The following KCNQ3 variants were observed in gnomAD, a reference collection of about 807,000 sequenced individuals.
The protein encoded by KCNQ3 is potassium voltage-gated channel subfamily Q member 3.
In KCNQ3, 30 loss-of-function variants were observed where a neutral mutation model predicts 92.5. The ratio of observed to expected loss-of-function variants is 0.32; its 90% CI spans 0.24 to 0.44. The LOEUF is 0.44. Among genes scored for constraint, KCNQ3 ranks in the 20% least tolerant of loss-of-function variants. The pLI, the probability that KCNQ3 is intolerant of heterozygous loss-of-function variation, is 1.00. For missense variants in KCNQ3, 913 were observed against 1,140.3 expected (o/e 0.80, Z 2.87); for synonymous variants, 450 against 468.8 (o/e 0.96, Z 0.52).
chr8:132,367,727 G>A lies in KCNQ3; in HGVS notation c.386+112420C>T, dbSNP rs560843997. 7.2e-5 allele frequency among the ~76,000 whole-genome samples: 11 copies of A among 152,314 alleles called. No individual in the cohort carries two copies. The South Asian group carries it at 2.3e-3, about 32-fold the overall frequency. ...AAGTCCTTCTGGTAGACCTAGTGCT[G>A]TGGGTCAGCTTGTACTTTCTGCTAA... On this transcript the variant is annotated intron_variant, in intron 1 of 14. Transcript: ENST00000388996.
At chr8:132,147,069 G>C (rs1238837309) in intron 9 of KCNQ3, among the ~76,000 whole-genome samples, 5 of 152,138 alleles carry the variant, frequency 3.3e-5, no homozygotes. Context: ...GGTGGAGAAG[G>C]GATCCATGGG....
chr8:132,362,302 T>G (rs571199902), intron 1 of KCNQ3, among the ~76,000 whole-genome samples: 1 of 152,234 alleles, frequency 6.6e-6, no homozygotes, highest in Non-Finnish European at 1.5e-5. Context: ...ACATGGGGTG[T>G]TATTTTTCTA....
chr8:132,418,289 T>A (rs988253768), intron 1 of KCNQ3, among the ~76,000 whole-genome samples: 1 of 152,150 alleles, frequency 6.6e-6, no homozygotes, highest in Admixed American at 6.5e-5. Flanking sequence ...AGAAGGGATC[T>A]GTGACAGAGC....
rs1033477453 is a variant in KCNQ3, at chr8:132,122,176, C to T, written c.*7086G>A. The T allele has an allele frequency of 5.3e-5, 8 of 152,176 alleles. No individual in the cohort carries two copies. Among genetic ancestry groups the T allele is most frequent in the Admixed American group, 1.3e-4 (2 of 15,274 alleles). 9.4% of individuals were successfully genotyped at this position (152,176 alleles called of 1,614,324 possible). ...AGCTCTACTTCTTACAATGTGTGAC[C>T]TTTGACAAGGTCTTGTCTTCAGTTT... On this transcript the variant is annotated 3_prime_UTR_variant, in exon 15 of 15. Transcript: ENST00000388996.
chr8:132,228,888 G>T (rs1444182698), intron 1 of KCNQ3, among the ~76,000 whole-genome samples: 1 of 152,210 alleles, frequency 6.6e-6, no homozygotes, highest in Non-Finnish European at 1.5e-5. Context: ...TTATCTTGCA[G>T]ATAAGAGGGA....
Position 132,170,418 on chromosome 8 carries a change from C to T in KCNQ3, c.1151G>A (p.Arg384Lys). The T allele has an allele frequency of 6.2e-7, 1 of 1,613,290 alleles. No individual in the cohort carries two copies. Among genetic ancestry groups the T allele is most frequent in the Non-Finnish European group, 8.5e-7 (1 of 1,179,452 alleles). Residue 384 changes from arginine to lysine, a missense_variant, in exon 8 of 15, where the codon AGG becomes AAG. Around this residue, in one of 6 missense-constraint regions of KCNQ3, gnomAD observed 52 missense variants for 127.7 expected, o/e 0.41. Transcript: ENST00000388996. ...CCTGTTGGGGTTGGTAGCATAATAC[C>T]TCCAGGCAGCCTGAGGGGCAGAAAA... is the stretch of plus-strand genomic sequence containing the variant. ...PAAELIQAAW[R>K]YYATNPNRID...
chr8:132,198,563 A>G (rs1158051187), intron 1 of KCNQ3, among the ~76,000 whole-genome samples: 1 of 152,202 alleles, frequency 6.6e-6, no homozygotes, highest in East Asian at 1.9e-4. Flanking sequence ...TAATCCCAAC[A>G]CTTTGGGAGC....
intron 14 of KCNQ3, among the ~76,000 whole-genome samples, chr8:132,131,077 T>C (rs1339673575): frequency 6.6e-6 from 1 of 152,206 alleles, no homozygotes; most frequent in Non-Finnish European, 1.5e-5. Flanking sequence ...GTGAATTTTA[T>C]GACAATCCCC....
intron 1 of KCNQ3, among the ~76,000 whole-genome samples, chr8:132,301,236 T>A (rs1817206971): frequency 6.6e-6 from 1 of 152,154 alleles, no homozygotes; most frequent in South Asian, 2.1e-4. Context: ...ACTTCCAGAT[T>A]CTTCACACCT....
chr8:132,383,088 T>C (rs537260543), intron 1 of KCNQ3, among the ~76,000 whole-genome samples: 2 of 152,118 alleles, frequency 1.3e-5, no homozygotes, highest in Non-Finnish European at 2.9e-5. Flanking sequence ...CCCCTTGTCT[T>C]CCAAGGGTCC....
intron 1 of KCNQ3, among the ~76,000 whole-genome samples, chr8:132,434,873 G>A (rs1318282925): frequency 6.6e-6 from 1 of 152,242 alleles, no homozygotes; most frequent in African/African-American, 2.4e-5. Context: ...GACCCCGGAA[G>A]AGGCTGCCTC....
At chr8:132,154,500 GTCT>G (rs1825746400) in intron 9 of KCNQ3, among the ~76,000 whole-genome samples, 1 of 152,038 alleles carries the variant, frequency 6.6e-6, no homozygotes, top group Non-Finnish European at 1.5e-5. Flanking sequence ...GTTAAGATCT[GTCT>G]TCATCCTTAT....
intron 1 of KCNQ3, among the ~76,000 whole-genome samples, chr8:132,353,951 A>G (rs1818944931): frequency 6.6e-6 from 1 of 152,224 alleles, no homozygotes; most frequent in African/African-American, 2.4e-5. Context: ...GTTTGTGGTC[A>G]TGAGTGTGTG....
intron 1 of KCNQ3, among the ~76,000 whole-genome samples, chr8:132,252,627 C>A (rs1815450700): frequency 6.6e-6 from 1 of 152,168 alleles, no homozygotes; most frequent in African/African-American, 2.4e-5. Context: ...TTATTTGGCC[C>A]CACCTACATC....
At chr8:132,353,728 C>T (rs771470038) in intron 1 of KCNQ3, among the ~76,000 whole-genome samples, 21 of 152,016 alleles carry the variant, frequency 1.4e-4, no homozygotes, top group Non-Finnish European at 2.2e-4. Context: ...GCAGGAGAAT[C>T]GCTTGAGCCT....
chr8:132,453,322 A>G (rs142366762), intron 1 of KCNQ3, among the ~76,000 whole-genome samples: 77 of 152,272 alleles, frequency 5.1e-4, no homozygotes, highest in African/African-American at 1.8e-3. Context: ...CATCTAGCTC[A>G]CTCTGGAAAA....
chr8:132,392,336 G>A (rs1250057827), intron 1 of KCNQ3, among the ~76,000 whole-genome samples: 5 of 151,926 alleles, frequency 3.3e-5, no homozygotes, highest in South Asian at 2.1e-4. Flanking sequence ...GCTGGCCCCC[G>A]AGCCCTGCCC....
chr8:132,477,273 AT>A (rs1159882641), intron 1 of KCNQ3, among the ~76,000 whole-genome samples: 1 of 151,852 alleles, frequency 6.6e-6, no homozygotes, highest in Non-Finnish European at 1.5e-5. Context: ...GGTTTGATTG[AT>A]TTCCATATTT....
At chr8:132,224,081 ATTTTTTTTTTTTT>A (rs1164773143) in intron 1 of KCNQ3, among the ~76,000 whole-genome samples, 22 of 39,474 alleles carry the variant, frequency 5.6e-4, no homozygotes, top group Non-Finnish European at 9.6e-4. Flanking sequence ...ATGCCAGGCT[ATTTTTTTTTTTTT>A]TTTTTTTTTT....
Sources: allele counts gnomAD v4.1 joint callset (sites outside exome capture counted in the v4.1 genomes callset), GRCh38; gene constraint gnomAD v4.1.1; regional missense constraint gnomAD v4.1.1; transcripts MANE v1.5; gene names NCBI Gene and HGNC (gene_info 2026-07-23, HGNC 2026-07-21).